The following GPHN variants were observed in gnomAD, a reference collection of about 807,000 sequenced individuals.
GPHN encodes gephyrin.
A neutral mutation model predicts 95.5 loss-of-function variants in GPHN; 17 were observed. The observed-to-expected ratio is 0.18, with a 90% confidence interval of 0.12 to 0.27. The LOEUF is 0.27. Ranked by LOEUF, GPHN falls within the 10% of genes least tolerant of loss-of-function variation. GPHN has a pLI of 1.00. For synonymous variants in GPHN, 320 were observed against 322.5 expected, an observed-to-expected ratio of 0.99 and a Z score of 0.08; for missense variants, 660 against 978.1, an observed-to-expected ratio of 0.67 and a Z score of 4.34.
At chr14:67,228,701 T>C in the GPHN span, among the ~76,000 whole-genome samples, 1 of 152,228 alleles carries the variant, frequency 6.6e-6, no homozygotes, top group Non-Finnish European at 1.5e-5. Flanking sequence ...TCTTTGGGAT[T>C]GATGGAAAAA....
At chr14:67,440,537 A>G in the GPHN span, among the ~76,000 whole-genome samples, 1 of 152,126 alleles carries the variant, frequency 6.6e-6, no homozygotes, top group African/African-American at 2.4e-5. Context: ...AGATCACTTG[A>G]AGCCAGGAGT....
At chr14:67,090,640 A>G (rs1253278689) in intron 12 of GPHN, among the ~76,000 whole-genome samples, 1 of 152,036 alleles carries the variant, frequency 6.6e-6, no homozygotes, top group Non-Finnish European at 1.5e-5. Flanking sequence ...TCAACCTGTA[A>G]TTTCCTTTTT....
the GPHN span, chr14:67,335,962 C>T: frequency 1.4e-5 from 2 of 144,864 alleles, no homozygotes; most frequent in African/African-American, 5.1e-5. Context: ...TTGTTCTTTA[C>T]AGAGGGATAG....
intron 1 of GPHN, among the ~76,000 whole-genome samples, chr14:66,618,532 G>T (rs879226876): frequency 6.6e-6 from 1 of 152,092 alleles, no homozygotes; most frequent in Non-Finnish European, 1.5e-5. Context: ...GTATATTGCT[G>T]TATTCATTTT....
chr14:67,019,036 T>A (rs1282391957), intron 9 of GPHN, among the ~76,000 whole-genome samples: 1 of 152,188 alleles, frequency 6.6e-6, no homozygotes, highest in Non-Finnish European at 1.5e-5. Context: ...ACAAAAAGAA[T>A]AAAATGGATA....
chr14:66,769,476 C>T lies in GPHN; in HGVS notation c.144-6988C>T, dbSNP rs118094149. 0.013 allele frequency among the ~76,000 whole-genome samples: 1,943 copies of T among 152,118 alleles called. 82 individuals carry two copies. In the East Asian group the frequency reaches 0.15, roughly 12 times the overall value. ...TTTTTCTTGATCCTCTCCCTCCTCC[C>T]GTCTTCCACCCTCCAATAGACCCCG... On this transcript the variant is annotated intron_variant, in intron 2 of 22. Coordinates refer to ENST00000478722, the MANE Select transcript of GPHN (RefSeq NM_020806.5).
the GPHN span, among the ~76,000 whole-genome samples, chr14:67,308,983 A>C: frequency 3.6e-3 from 543 of 152,240 alleles, 2 homozygotes; most frequent in Non-Finnish European, 5.6e-3. Context: ...TACGACTTCA[A>C]ATGTGAACAG....
chr14:66,639,292 T>A (rs1414288600), intron 1 of GPHN, among the ~76,000 whole-genome samples: 1 of 152,038 alleles, frequency 6.6e-6, no homozygotes, highest in African/African-American at 2.4e-5. Context: ...AGCTAAAGGT[T>A]TAAAAAAAAT....
At chr14:67,702,624 GTTTA>G in the GPHN span, among the ~76,000 whole-genome samples, 2 of 152,170 alleles carry the variant, frequency 1.3e-5, no homozygotes, top group Admixed American at 6.5e-5. Flanking sequence ...TTTAAAGCCA[GTTTA>G]TTTATTAAAG....
At chr14:66,938,309 G>C (rs1427444356) in intron 8 of GPHN, among the ~76,000 whole-genome samples, 2 of 151,868 alleles carry the variant, frequency 1.3e-5, no homozygotes, top group Non-Finnish European at 2.9e-5. Context: ...AAGAAATCAG[G>C]GTCTACTAAA....
the GPHN span, chr14:67,573,947 C>A: frequency 8.0e-7 from 1 of 1,246,500 alleles, no homozygotes; most frequent in Non-Finnish European, 1.2e-6. This position sits in a 1 kb window ranked among gnomAD's most constrained non-coding sequence, Gnocchi z 4.8. Context: ...TTGGATATGG[C>A]CGTGAGTGAG....
At chr14:67,310,439 T>A in the GPHN span, among the ~76,000 whole-genome samples, 3 of 152,186 alleles carry the variant, frequency 2.0e-5, no homozygotes, top group Admixed American at 6.6e-5. Flanking sequence ...CAGGATGATG[T>A]TTATCCTTGG....
intron 5 of GPHN, among the ~76,000 whole-genome samples, chr14:66,882,376 A>G (rs1034217831): frequency 2.6e-5 from 4 of 151,684 alleles, no homozygotes; most frequent in African/African-American, 9.7e-5. Context: ...TTACCTTCCT[A>G]TTTTTATGTC....
At chr14:66,996,487 C>T (rs1469572453) in intron 9 of GPHN, among the ~76,000 whole-genome samples, 1 of 152,048 alleles carries the variant, frequency 6.6e-6, no homozygotes, top group Non-Finnish European at 1.5e-5. Flanking sequence ...AACTTGATTG[C>T]TGTGACTACC....
chr14:67,541,042 A>G, the GPHN span, among the ~76,000 whole-genome samples: 487 of 152,310 alleles, frequency 3.2e-3, 1 homozygote, highest in African/African-American at 0.011. Flanking sequence ...CAAAATATCT[A>G]GCAGTTTTCT....
At chr14:67,612,033 G>C in the GPHN span, among the ~76,000 whole-genome samples, 40 of 152,284 alleles carry the variant, frequency 2.6e-4, no homozygotes, top group Admixed American at 9.8e-4. Flanking sequence ...GTTCACAATA[G>C]GGTCCACACT....
chr14:67,259,504 C>A, the GPHN span, among the ~76,000 whole-genome samples: 1 of 151,978 alleles, frequency 6.6e-6, no homozygotes, highest in Non-Finnish European at 1.5e-5. Context: ...CCCAGTTACT[C>A]AGGAGGCTGA....
At chr14:67,326,061 G>A in the GPHN span, among the ~76,000 whole-genome samples, 3 of 142,278 alleles carry the variant, frequency 2.1e-5, no homozygotes, top group East Asian at 2.0e-4. Flanking sequence ...TCGTGACCTC[G>A]TGATCCAGCC....
At chr14:67,574,145 C>A in the GPHN span, 1 of 1,111,410 alleles carries the variant, frequency 9.0e-7, no homozygotes, top group Non-Finnish European at 1.3e-6. This position sits in a 1 kb window ranked among gnomAD's most constrained non-coding sequence, Gnocchi z 4.2. Flanking sequence ...AGAAGGCCAG[C>A]CCCTTGGGTT....
Sources: gnomAD v4.1 joint callset for allele counts (sites outside exome capture counted in the v4.1 genomes callset) on GRCh38, gnomAD v4.1.1 for gene constraint, Gnocchi (gnomAD v3.1) non-coding constraint, MANE v1.5 for transcripts, NCBI Gene and HGNC (gene_info 2026-07-23, HGNC 2026-07-21) for gene names.